The following RYR2 variants were observed in gnomAD, a reference collection of about 807,000 sequenced individuals.
RYR2 encodes the protein cardiac muscle ryanodine receptor-calcium release channel.
Under a neutral mutation model 601.1 loss-of-function variants are expected in RYR2, and 227 were observed. The ratio of observed to expected loss-of-function variants is 0.38; its 90% CI spans 0.34 to 0.42. The LOEUF is 0.42. Among genes scored for constraint, RYR2 ranks in the 10% least tolerant of loss-of-function variants. The pLI is 1.00. For missense variants in RYR2, 4,646 were observed against 6,156.5 expected (o/e 0.75, Z 8.21); for synonymous variants, 2,223 against 2,175.1 (o/e 1.02, Z -0.61).
At chr1:237,128,580 T>C (rs756424253) in intron 1 of RYR2, among the ~76,000 whole-genome samples, 33 of 152,154 alleles carry the variant, frequency 2.2e-4, no homozygotes, top group Non-Finnish European at 2.8e-4. Context: ...GAGCAGTTTA[T>C]TAATTTGGAC....
chr1:237,783,490 G>T (rs1417404276), intron 89 of RYR2, among the ~76,000 whole-genome samples, 185 bp from the exon 90 acceptor site: 1 of 152,182 alleles, frequency 6.6e-6, no homozygotes, highest in Admixed American at 6.5e-5. Flanking sequence ...TGTAAATAGG[G>T]TTATGCATGT....
At chr1:237,215,099 T>C (rs1402256564) in intron 1 of RYR2, among the ~76,000 whole-genome samples, 1 of 152,214 alleles carries the variant, frequency 6.6e-6, no homozygotes, top group Non-Finnish European at 1.5e-5. Flanking sequence ...AATTCTGTCA[T>C]GTAGTATATC....
chr1:237,363,036 C>A (rs1699907554), intron 4 of RYR2, among the ~76,000 whole-genome samples: 2 of 151,246 alleles, frequency 1.3e-5, no homozygotes, highest in East Asian at 3.9e-4. Context: ...CTGACAAAAT[C>A]AGGCTGAGAA....
chr1:237,511,924 A>G (rs1268037833), intron 24 of RYR2, 133 bp downstream of exon 24: 3 of 590,422 alleles, frequency 5.1e-6, no homozygotes. Context: ...AGAACTTTTT[A>G]TAATGCATAA....
chr1:237,052,438 C>T (rs959843876), intron 1 of RYR2, among the ~76,000 whole-genome samples: 6 of 152,056 alleles, frequency 3.9e-5, no homozygotes, highest in African/African-American at 1.4e-4. Context: ...ACATGAAAGG[C>T]AGAATCCAGA....
At chr1:237,135,035 CAT>C (rs1672611595) in intron 1 of RYR2, among the ~76,000 whole-genome samples, 1 of 152,234 alleles carries the variant, frequency 6.6e-6, no homozygotes, top group Non-Finnish European at 1.5e-5. Context: ...ATCTAGAAAA[CAT>C]AAAACTTGGG....
chr1:237,684,085 G>T (rs556804157), intron 62 of RYR2, among the ~76,000 whole-genome samples: 25 of 151,182 alleles, frequency 1.7e-4, no homozygotes, highest in Non-Finnish European at 2.7e-4. Context: ...CCACCACCAT[G>T]CCCGGCTAAT....
Position 237,170,621 on chromosome 1 carries a change from T to C in RYR2, c.49-99876T>C, listed in dbSNP as rs572746616. Among the ~76,000 whole-genome samples the C allele has an allele frequency of 4.1e-3, 619 of 152,342 alleles. 5 individuals carry two copies. The highest frequency in any genetic ancestry group is 0.014 in the African/African-American group (592 of 41,570). ...GTTTTAAATCTTTGCAATAAATATT[T>C]GTTAAAGTGCCTCATGAGGATACAA... On this transcript the variant is annotated intron_variant, in intron 1 of 104. Transcript: ENST00000366574.
At chr1:237,094,741 A>G (rs1045495756) in intron 1 of RYR2, among the ~76,000 whole-genome samples, 2 of 151,982 alleles carry the variant, frequency 1.3e-5, no homozygotes, top group African/African-American at 4.8e-5. Context: ...ACAGGCGCCC[A>G]CCACCATGCC....
At chr1:237,818,856 C>T (rs1485423193) in intron 100 of RYR2, among the ~76,000 whole-genome samples, 180 bp from the exon 101 acceptor site, 1 of 151,778 alleles carries the variant, frequency 6.6e-6, no homozygotes, top group East Asian at 1.9e-4. Context: ...AAGACAGCAA[C>T]ATGCAAAAGC....
At chr1:237,293,271 G>A (rs1203868754) in intron 2 of RYR2, among the ~76,000 whole-genome samples, 1 of 152,150 alleles carries the variant, frequency 6.6e-6, no homozygotes, top group East Asian at 1.9e-4. Context: ...CAGTGACACA[G>A]ACTCAGCTCA....
chr1:237,643,242 G>C (rs2148756911), intron 47 of RYR2, 85 bp from the exon 48 acceptor site: 4 of 1,529,486 alleles, frequency 2.6e-6, no homozygotes, highest in Non-Finnish European at 3.6e-6. Context: ...TTTTGGACTT[G>C]GATTCCAATA....
intron 76 of RYR2, among the ~76,000 whole-genome samples, chr1:237,728,373 A>G (rs1343601697): frequency 1.3e-5 from 2 of 152,074 alleles, no homozygotes; most frequent in African/African-American, 4.8e-5. Flanking sequence ...GGTCAGATAG[A>G]ATATTAACCT....
At position 237,477,174 on chromosome 1, in the gene RYR2, C is replaced by G. The variant is rs112110357; in HGVS notation, c.1708+7987C>G. Among the ~76,000 whole-genome samples the G allele has an allele frequency of 9.1e-3, 1,391 of 152,258 alleles. 31 individuals are homozygous for G. The East Asian group carries it at 0.096, about 11-fold the overall frequency. ...TTGGGAGGCCGAGGCAGGCGGATCA[C>G]GAGGTCAAGAGATGGAGACCATCCT... On this transcript the variant is annotated intron_variant, in intron 17 of 104. Transcript: ENST00000366574.
intron 3 of RYR2, among the ~76,000 whole-genome samples, chr1:237,333,886 C>T (rs1306372424): frequency 6.6e-6 from 1 of 152,100 alleles, no homozygotes; most frequent in East Asian, 1.9e-4. Context: ...CATTTCTTTC[C>T]TTTCAGATGA....
chr1:237,073,865 T>TAAAAAAAAAAA (rs770238369), intron 1 of RYR2, among the ~76,000 whole-genome samples: 3 of 88,020 alleles, frequency 3.4e-5, no homozygotes, highest in Admixed American at 1.2e-4. Flanking sequence ...AGACTCCATC[T>TAAAAAAAAAAA]TAAAAAAAAA....
intron 16 of RYR2, among the ~76,000 whole-genome samples, chr1:237,464,109 C>T (rs1349972448): frequency 1.3e-5 from 2 of 152,134 alleles, no homozygotes; most frequent in East Asian, 3.9e-4. Flanking sequence ...CACGTGTGTA[C>T]ATATCTGCAC....
At chr1:237,688,264 G>A (rs1686619292) in intron 63 of RYR2, among the ~76,000 whole-genome samples, 1 of 152,182 alleles carries the variant, frequency 6.6e-6, no homozygotes, top group Non-Finnish European at 1.5e-5. Context: ...TTTTGAGACA[G>A]TGTTGGAGTA....
intron 1 of RYR2, among the ~76,000 whole-genome samples, chr1:237,162,261 T>G (rs1676095082): frequency 6.6e-6 from 1 of 152,172 alleles, no homozygotes; most frequent in South Asian, 2.1e-4. Context: ...GGATTATGTA[T>G]GATCAGGCAT....
Sources: allele counts gnomAD v4.1 joint callset (sites outside exome capture counted in the v4.1 genomes callset), GRCh38; gene constraint gnomAD v4.1.1; transcripts MANE v1.5; gene names NCBI Gene and HGNC (gene_info 2026-07-23, HGNC 2026-07-21).